PTGER3: variants seen among roughly 807,000 people sequenced by gnomAD.
PTGER3 encodes prostaglandin E receptor 3, also known as prostaglandin E2 receptor EP3 subtype.
PTGER3 carries 22 observed loss-of-function variants against 34.7 expected under a neutral mutation model. The observed-to-expected ratio is 0.63, with a 90% CI of 0.45 to 0.91. The LOEUF (loss-of-function observed/expected upper bound fraction) is 0.91, where lower values mean the gene tolerates loss of function less well. Among genes scored for constraint, PTGER3 ranks in the 40% least tolerant of loss-of-function variants. The probability of loss-of-function intolerance (pLI) is 0.00; values close to 1 mark genes in which losing one functional copy is unlikely to be tolerated. For missense variants in PTGER3, 468 were observed against 519.4 expected (o/e 0.90, Z 0.96); for synonymous variants, 241 against 230.1 (o/e 1.05, Z -0.43).
At chr1:71,029,916 A>T (rs944497660) in intron 1 of PTGER3, among the ~76,000 whole-genome samples, 2 of 130,358 alleles carry the variant, frequency 1.5e-5, no homozygotes, top group African/African-American at 2.9e-5. Flanking sequence ...ACAGAGTGAG[A>T]CTCCATCTCA....
intron 2 of PTGER3, among the ~76,000 whole-genome samples, chr1:70,961,939 T>C (rs1651970194): frequency 1.3e-5 from 2 of 152,230 alleles, no homozygotes; most frequent in African/African-American, 4.8e-5. Context: ...AAACTCAAAG[T>C]TGAGGCACCC....
Position 70,970,849 on chromosome 1 carries a change from C to G in PTGER3, c.*881G>C. On this transcript the variant is annotated 3_prime_UTR_variant, in exon 4 of 4. Transcript: ENST00000306666. Reference sequence around the variant, plus strand: ...AATAGATTCTTTTATTTTATAAAAACGTAATAAAGTTTGTTATTCAACAAC... The same window carrying G: ...AATAGATTCTTTTATTTTATAAAAAGGTAATAAAGTTTGTTATTCAACAAC... The G allele has an allele frequency of 1.1e-6, 1 of 930,780 alleles. No homozygotes were observed. Among genetic ancestry groups the G allele is most frequent in the South Asian group, 5.0e-5 (1 of 20,078 alleles). The allele number at this position is 930,780 out of a possible 1,614,324, so 57.7% of individuals were successfully genotyped here.
intron 2 of PTGER3, among the ~76,000 whole-genome samples, chr1:70,983,852 G>A (rs1654636420): frequency 2.0e-5 from 3 of 152,062 alleles, no homozygotes; most frequent in South Asian, 2.1e-4. Context: ...TGTTCCACAC[G>A]TAGAGCCTCC....
intron 4 of PTGER3, among the ~76,000 whole-genome samples, chr1:70,901,456 T>C (rs1250883316): frequency 6.6e-6 from 1 of 152,186 alleles, no homozygotes; most frequent in Non-Finnish European, 1.5e-5. Context: ...TGTATTATAG[T>C]AGAAATAAGA....
chr1:70,960,498 G>C (rs1255828106), intron 2 of PTGER3, among the ~76,000 whole-genome samples: 1 of 152,060 alleles, frequency 6.6e-6, no homozygotes, highest in Non-Finnish European at 1.5e-5. Flanking sequence ...GACAAGATCT[G>C]CTAAAACTTG....
At chr1:71,019,703 C>T (rs1389660436) in intron 1 of PTGER3, among the ~76,000 whole-genome samples, 2 of 152,134 alleles carry the variant, frequency 1.3e-5, no homozygotes, top group African/African-American at 4.8e-5. Context: ...GATTTATAAT[C>T]ACACACTTAA....
intron 2 of PTGER3, among the ~76,000 whole-genome samples, chr1:70,975,173 T>G (rs1338388870): frequency 3.3e-5 from 5 of 152,198 alleles, no homozygotes; most frequent in Non-Finnish European, 7.3e-5. Context: ...GAGCAGGAAC[T>G]GTGCCTGGTT....
At chr1:70,939,372 C>A (rs559085861) in intron 4 of PTGER3, among the ~76,000 whole-genome samples, 2 of 152,232 alleles carry the variant, frequency 1.3e-5, no homozygotes, top group Non-Finnish European at 2.9e-5. Flanking sequence ...ATGGTGCAAG[C>A]TGTCAGTGGA....
intron 4 of PTGER3, among the ~76,000 whole-genome samples, chr1:70,935,796 G>A (rs900746844): frequency 1.3e-5 from 2 of 151,504 alleles, no homozygotes; most frequent in South Asian, 4.2e-4. Flanking sequence ...TATTGGGATG[G>A]GTGGAGATTT....
intron 2 of PTGER3, among the ~76,000 whole-genome samples, chr1:70,994,462 T>A (rs1325081887): frequency 4.5e-5 from 1 of 22,292 alleles, no homozygotes; most frequent in African/African-American, 1.6e-4. Context: ...TAAACCTTAA[T>A]TTTTTTTTTT....
At position 71,047,081 on chromosome 1, in the gene PTGER3, G is replaced by T; in HGVS notation, c.497C>A (p.Ala166Glu). 1.2e-6 allele frequency: 2 copies of T among 1,609,526 alleles called. No individual in the cohort carries two copies. The highest frequency in any genetic ancestry group is 1.7e-6 in the Non-Finnish European group (2 of 1,178,520). ...ALAIRAPHWYASHMKTRATRA... is the reference protein window; with the variant it reads ...ALAIRAPHWYESHMKTRATRA... Reference sequence around the variant, plus strand: ...GGTGGCACGCGTCTTCATGTGGCTCGCATACCAGTGCGGCGCCCTGATGGC... The same window carrying T: ...GGTGGCACGCGTCTTCATGTGGCTCTCATACCAGTGCGGCGCCCTGATGGC... The change falls in exon 1 of 4, where the codon GCG (alanine) becomes GAG (glutamate). Residue 166 changes from alanine (A) to glutamate (E), a missense_variant. Around this residue, in one of 5 missense-constraint regions of PTGER3, gnomAD observed 204 missense variants for 230.8 expected, o/e 0.88. Transcript: ENST00000306666.
At chr1:70,948,090 G>A (rs1157735997), downstream of PTGER3, among the ~76,000 whole-genome samples, 1 of 152,128 alleles carries the variant, frequency 6.6e-6, no homozygotes, top group Non-Finnish European at 1.5e-5. Flanking sequence ...ACACTTCACT[G>A]CATAGGGACA....
intron 2 of PTGER3, among the ~76,000 whole-genome samples, chr1:70,987,118 T>C (rs1654999602): frequency 6.6e-6 from 1 of 152,166 alleles, no homozygotes; most frequent in Admixed American, 6.5e-5. Flanking sequence ...CAAACAGATA[T>C]CAATGGCCCT....
intron 4 of PTGER3, among the ~76,000 whole-genome samples, chr1:70,923,915 C>T (rs1348070919): frequency 4.6e-5 from 7 of 152,052 alleles, no homozygotes; most frequent in Admixed American, 3.9e-4. Context: ...GTTATTTTAC[C>T]AAGGCTTTTA....
At chr1:70,991,426 T>C (rs1287514683) in intron 2 of PTGER3, among the ~76,000 whole-genome samples, 1 of 152,188 alleles carries the variant, frequency 6.6e-6, no homozygotes, top group Non-Finnish European at 1.5e-5. Context: ...CCACTGCTAC[T>C]TTCATTACAC....
At chr1:70,991,302 A>G (rs1304602754) in intron 2 of PTGER3, among the ~76,000 whole-genome samples, 2 of 151,962 alleles carry the variant, frequency 1.3e-5, no homozygotes, top group African/African-American at 4.8e-5. Context: ...TGGAAACCCT[A>G]CTCACTCTCT....
chr1:71,014,867 T>A (rs182428845), intron 1 of PTGER3, among the ~76,000 whole-genome samples: 1 of 152,298 alleles, frequency 6.6e-6, no homozygotes, highest in East Asian at 1.9e-4. Context: ...CAGCTTCCAA[T>A]CCCAGCTGTG....
chr1:71,008,077 A>C, intron 2 of PTGER3: 8 of 983,000 alleles, frequency 8.1e-6, no homozygotes, highest in Non-Finnish European at 9.7e-6. Flanking sequence ...TCCTCTTAAA[A>C]ACAATCCCAG....
At chr1:70,984,035 G>A (rs540772418) in intron 2 of PTGER3, among the ~76,000 whole-genome samples, 1 of 152,252 alleles carries the variant, frequency 6.6e-6, no homozygotes, top group African/African-American at 2.4e-5. Flanking sequence ...TGTTCTGTAT[G>A]GTTTAGCTGT....
Sources: gnomAD v4.1 joint callset for allele counts (sites outside exome capture counted in the v4.1 genomes callset) on GRCh38, gnomAD v4.1.1 for gene constraint, gnomAD v4.1.1 regional missense constraint, MANE v1.5 for transcripts, NCBI Gene and HGNC (gene_info 2026-07-23, HGNC 2026-07-21) for gene names.